The following CEP350 variants were observed in gnomAD, a reference collection of about 807,000 sequenced individuals.
CEP350 encodes the protein centrosome-associated protein 350.
Under a neutral mutation model 331.8 loss-of-function variants are expected in CEP350, and 126 were observed. The ratio of observed to expected loss-of-function variants is 0.38; its 90% CI spans 0.33 to 0.44. CEP350 has a LOEUF of 0.44. Among genes scored for constraint, CEP350 ranks in the 20% least tolerant of loss-of-function variants. CEP350 has a pLI of 1.00. For missense variants in CEP350, 3,406 were observed against 3,634.6 expected (o/e 0.94, Z 1.62); for synonymous variants, 1,200 against 1,259.5 (o/e 0.95, Z 1.00).
intron 7 of CEP350, among the ~76,000 whole-genome samples, chr1:180,005,043 A>G (rs1654165598): frequency 7.5e-6 from 1 of 134,108 alleles, no homozygotes; most frequent in African/African-American, 2.8e-5. Context: ...CTCTCTCTCC[A>G]ATCCCCCTCC....
intron 11 of CEP350, among the ~76,000 whole-genome samples, chr1:180,016,324 T>C (rs931664887): frequency 1.3e-5 from 2 of 152,224 alleles, no homozygotes; most frequent in African/African-American, 4.8e-5. Context: ...TCTACTGCTA[T>C]TTAAAATTTC....
Position 180,006,521 on chromosome 1 carries a change from A to G in CEP350, c.1200A>G (p.Arg400=). ...AGAAGAAAGTAGTCAAGCCAGTACGAAAAGTCCAAAAAGTAGCACAGTTAT... is the reference window on the plus strand; with the variant it reads ...AGAAGAAAGTAGTCAAGCCAGTACGGAAAGTCCAAAAAGTAGCACAGTTAT... ...SKEKKVVKPV[R]KVQKVAQLSS... The change falls in exon 8 of 38, where the codon CGA becomes CGG. Residue 400 remains arginine (R), a synonymous_variant. Coordinates refer to ENST00000367607, the MANE Select transcript of CEP350 (RefSeq NM_014810.5). 6.4e-7 allele frequency: 1 copy of G among 1,554,656 alleles called. No homozygotes were observed. The highest frequency in any genetic ancestry group is 8.7e-7 in the Non-Finnish European group (1 of 1,147,254).
chr1:180,112,750 T>G lies in CEP350; in HGVS notation c.*1589T>G, dbSNP rs1007903018. The G allele has an allele frequency of 1.2e-4, 18 of 152,770 alleles. No individual in the cohort carries two copies. Among genetic ancestry groups the G allele is most frequent in the Non-Finnish European group, 7.3e-5 (5 of 68,032 alleles). 9.5% of individuals were successfully genotyped at this position (152,770 alleles called of 1,614,324 possible). On this transcript the variant is annotated 3_prime_UTR_variant, in exon 38 of 38. Transcript: ENST00000367607. ...AAAAACCCCAAAGATGGTATAATCT[T>G]TAAGTGTGCACGTTCGTTTATTTCT...
At chr1:180,103,353 T>C (rs1660936532) in intron 37 of CEP350, among the ~76,000 whole-genome samples, 1 of 152,116 alleles carries the variant, frequency 6.6e-6, no homozygotes, top group Admixed American at 6.5e-5. Context: ...TTTGTCTGTG[T>C]CTGCAGCTTG....
chr1:180,013,713 C>A (rs1571866832), intron 9 of CEP350, 134 bp from the exon 10 acceptor site: 2 of 726,284 alleles, frequency 2.8e-6, no homozygotes, highest in East Asian at 2.8e-5. Flanking sequence ...TAATTTTCTT[C>A]AGAAGACTGT....
chr1:180,097,629 A>G (rs997885709), intron 36 of CEP350, among the ~76,000 whole-genome samples: 1 of 152,198 alleles, frequency 6.6e-6, no homozygotes, highest in Non-Finnish European at 1.5e-5. Context: ...AAGATATATA[A>G]TATATACCAA....
intron 7 of CEP350, among the ~76,000 whole-genome samples, chr1:180,003,835 A>G (rs1280225392): frequency 6.6e-6 from 1 of 152,058 alleles, no homozygotes. Context: ...TATTTTTTAC[A>G]GTTGAGGAAA....
intron 1 of CEP350, among the ~76,000 whole-genome samples, chr1:179,968,018 G>C (rs556334828): frequency 6.6e-6 from 1 of 152,226 alleles, no homozygotes; most frequent in South Asian, 2.1e-4. Flanking sequence ...GCTATATACT[G>C]TGCGTGAACT....
chr1:179,968,159 C>A (rs1651157180), intron 1 of CEP350, among the ~76,000 whole-genome samples: 1 of 152,130 alleles, frequency 6.6e-6, no homozygotes, highest in South Asian at 2.1e-4. Context: ...GGCGAAACCC[C>A]ATCTCTACTA....
chr1:180,096,024 T>C lies in CEP350; in HGVS notation c.8920-14T>C. On this transcript the variant is annotated splice_polypyrimidine_tract_variant and intron_variant, in intron 35 of 37. Transcript: ENST00000367607. ...GCCATTTTGTTTTGTTTTGTTTTGT[T>C]TTTCTCTATCAAGGCGGTTTTTGAT... 6.5e-7 allele frequency: 1 copy of C among 1,546,982 alleles called. No individual in the cohort carries two copies. The highest frequency in any genetic ancestry group is 1.2e-5 in the South Asian group (1 of 82,588).
chr1:180,072,640 G>T (rs562501226), intron 27 of CEP350, among the ~76,000 whole-genome samples: 9 of 152,258 alleles, frequency 5.9e-5, no homozygotes, highest in Admixed American at 5.2e-4. Flanking sequence ...ATGAATATGT[G>T]TGTTTTTGCG....
Position 179,996,666 on chromosome 1 carries a change from G to A in CEP350, c.509G>A (p.Ser170Asn). The change falls in exon 6 of 38, where the codon AGT (serine) becomes AAT (asparagine). Residue 170 changes from serine to asparagine, a missense_variant. By Grantham distance (46) the Ser-to-Asn change is conservative. This residue lies in a region of CEP350 where 1,857 missense variants were observed against 1,909.2 expected (regional missense o/e 0.97). Coordinates refer to ENST00000367607, the MANE Select transcript of CEP350 (RefSeq NM_014810.5). ...GAGAGCGGTAACTGGATGATAGGCA[G>A]TCGAGAAGAACGGAATATACGGAGC... ...KTESGNWMIG[S>N]REERNIRSCD... 1 of 1,613,590 alleles carries A rather than the reference G, an allele frequency of 6.2e-7. No individual in the cohort carries two copies. The highest frequency in any genetic ancestry group is 1.7e-5 in the Admixed American group (1 of 59,958).
At chr1:179,979,728 T>C (rs2477114) in intron 1 of CEP350, among the ~76,000 whole-genome samples, 130,526 of 151,980 alleles carry the variant, frequency 0.86, 56,175 homozygotes, top group South Asian at 0.94. Context: ...TTTTGTGTAG[T>C]GTGAGAGATG....
At chr1:180,085,923 C>G (rs1301697343) in intron 31 of CEP350, 1 of 152,254 alleles carries the variant, frequency 6.6e-6, no homozygotes, top group East Asian at 1.9e-4. Flanking sequence ...ATCCTCACAA[C>G]AAGGTGTGAG....
chr1:180,019,149 TC>T (rs1478663891), intron 11 of CEP350, among the ~76,000 whole-genome samples: 1 of 152,186 alleles, frequency 6.6e-6, no homozygotes. Context: ...CAGCCGCTGT[TC>T]CTGGCCTGTT....
intron 37 of CEP350, among the ~76,000 whole-genome samples, chr1:180,106,724 G>A (rs574139660): frequency 7.2e-5 from 11 of 151,998 alleles, no homozygotes; most frequent in African/African-American, 2.2e-4. Context: ...GCATCACCGC[G>A]ACCAGCCTCG....
chr1:180,004,442 A>G (rs937929954), intron 7 of CEP350, among the ~76,000 whole-genome samples: 3 of 152,184 alleles, frequency 2.0e-5, no homozygotes, highest in African/African-American at 7.2e-5. Context: ...GGTCATGCTC[A>G]TCAACATACT....
Position 180,094,541 on chromosome 1 carries a change from T to G in CEP350, c.8436T>G (p.Ile2812Met). The change falls in exon 34 of 38, where the codon ATT becomes ATG. Residue 2812 changes from isoleucine to methionine, a missense_variant. This residue lies in a region of CEP350 where 1,415 missense variants were observed against 1,512.3 expected (regional missense o/e 0.94). Transcript: ENST00000367607. ...SQNVEEQSPS[I>M]SGCFLSSELE... ...ATGTTGAGGAACAGTCGCCAAGTATTTCAGGTTGCTTCTTAAGTTCTGAAT... is the reference window on the plus strand; with the variant it reads ...ATGTTGAGGAACAGTCGCCAAGTATGTCAGGTTGCTTCTTAAGTTCTGAAT... 1 of 1,613,916 alleles carries G rather than the reference T, an allele frequency of 6.2e-7. No individual in the cohort carries two copies. Among genetic ancestry groups the G allele is most frequent in the Non-Finnish European group, 8.5e-7 (1 of 1,179,838 alleles).
At chr1:179,971,367 A>G (rs1351336698) in intron 1 of CEP350, among the ~76,000 whole-genome samples, 1 of 152,140 alleles carries the variant, frequency 6.6e-6, no homozygotes, top group Non-Finnish European at 1.5e-5. Flanking sequence ...CCCATTGCCC[A>G]GGCTGGAGTG....
Sources: gnomAD v4.1 joint callset for allele counts (sites outside exome capture counted in the v4.1 genomes callset) on GRCh38, gnomAD v4.1.1 for gene constraint, gnomAD v4.1.1 regional missense constraint, MANE v1.5 for transcripts, NCBI Gene and HGNC (gene_info 2026-07-23, HGNC 2026-07-21) for gene names.